BEND3: variants seen among roughly 807,000 people sequenced by gnomAD.
The protein encoded by BEND3 is BEN domain containing 3, also known as BEN domain-containing protein 3.
Under a neutral mutation model 60.1 loss-of-function variants are expected in BEND3, and 13 were observed. The ratio of observed to expected loss-of-function variants is 0.22; its 90% confidence interval spans 0.14 to 0.34. BEND3 has a LOEUF of 0.34. BEND3 is among the 10% of genes least tolerant of loss of function. The probability of loss-of-function intolerance (pLI) is 1.00; values close to 1 mark genes in which losing one functional copy is unlikely to be tolerated. For missense variants in BEND3, 896 were observed against 1,138.1 expected, an observed-to-expected ratio of 0.79 and a Z score of 3.06; for synonymous variants, 497 against 491.5, an observed-to-expected ratio of 1.01 and a Z score of -0.15.
At chr6:107,097,747 G>A (rs782294066) in intron 3 of BEND3, among the ~76,000 whole-genome samples, 9 of 123,440 alleles carry the variant, frequency 7.3e-5, no homozygotes, top group Admixed American at 2.3e-4. Context: ...CTGAGATTGC[G>A]CCACTGCACT....
At chr6:107,075,025 C>T (rs1775070398) in intron 3 of BEND3, among the ~76,000 whole-genome samples, 2 of 151,522 alleles carry the variant, frequency 1.3e-5, no homozygotes, top group South Asian at 4.2e-4. Context: ...CACTTGAACC[C>T]GGGAGGCGGA....
At chr6:107,108,658 CT>C (rs1775873844) in intron 1 of BEND3, among the ~76,000 whole-genome samples, 1 of 152,242 alleles carries the variant, frequency 6.6e-6, no homozygotes, top group African/African-American at 2.4e-5. Context: ...AAAACAGCCC[CT>C]GACATACAAG....
chr6:107,088,215 G>C (rs557004474), intron 3 of BEND3, among the ~76,000 whole-genome samples: 1 of 151,884 alleles, frequency 6.6e-6, no homozygotes, highest in East Asian at 1.9e-4. Context: ...TGGTAGGCTG[G>C]ACACGGCTGA....
intron 3 of BEND3, among the ~76,000 whole-genome samples, chr6:107,078,362 T>C (rs575031660): frequency 6.6e-6 from 1 of 151,924 alleles, no homozygotes; most frequent in South Asian, 2.1e-4. Context: ...CCTCCCTTGA[T>C]GGTGCCATGC....
At chr6:107,075,083 C>CAA (rs560505256) in intron 3 of BEND3, among the ~76,000 whole-genome samples, 2,129 of 136,890 alleles carry the variant, frequency 0.016, 50 homozygotes, top group African/African-American at 0.054. Context: ...CAGAGCGTCT[C>CAA]AAAAAAAAAA....
chr6:107,101,265 G>C (rs898011196), intron 1 of BEND3, among the ~76,000 whole-genome samples: 1 of 152,180 alleles, frequency 6.6e-6, no homozygotes, highest in East Asian at 1.9e-4. Flanking sequence ...ACCATTCAAG[G>C]AGTAGCCACA....
chr6:107,114,642 G>C (rs1426783160), intron 1 of BEND3, among the ~76,000 whole-genome samples: 1 of 147,788 alleles, frequency 6.8e-6, no homozygotes, highest in East Asian at 2.0e-4. Flanking sequence ...CGAGCGCCAA[G>C]CCGCCGCGAG....
rs139615180 is a variant in BEND3 at position 107,080,364 on chromosome 6, A to C, written c.241-9414T>G. Among the ~76,000 whole-genome samples, 1,067 of 147,712 alleles carry C rather than the reference A, an allele frequency of 7.2e-3. 24 individuals carry two copies. The highest frequency in any genetic ancestry group is 0.025 in the African/African-American group (957 of 38,718). ...AATGAGATCCCATCTCAAAAAAAAA[A>C]AAAAAAAAAAAAACAAAAAACAGGA... On this transcript the variant is annotated intron_variant, in intron 3 of 3. Coordinates refer to ENST00000369042, the MANE Select transcript of BEND3 (RefSeq NM_001367314.1).
chr6:107,080,368 A>AAC (rs1385906744), intron 3 of BEND3, among the ~76,000 whole-genome samples: 3 of 148,974 alleles, frequency 2.0e-5, no homozygotes, highest in African/African-American at 7.6e-5. Context: ...AAAAAAAAAA[A>AAC]AAAAAAAAAC....
At chr6:107,096,432 T>C (rs12664158) in intron 3 of BEND3, among the ~76,000 whole-genome samples, 10,933 of 151,590 alleles carry the variant, frequency 0.072, 524 homozygotes, top group South Asian at 0.16. Flanking sequence ...GCCAACATAG[T>C]GAAACCCTGT....
chr6:107,069,816 A>G lies in BEND3; in HGVS notation c.1375T>C (p.Phe459Leu), dbSNP rs959977844. Reference sequence around the variant, plus strand: ...GCCTCCTCCTCCTGCATGTCAGGGAAGTAGATCTCCGTGTAGTTGCGGATG... The same window carrying G: ...GCCTCCTCCTCCTGCATGTCAGGGAGGTAGATCTCCGTGTAGTTGCGGATG... Reference protein sequence around the residue: ...QIIRNYTEIYFPDMQEEEAWL... With the variant: ...QIIRNYTEIYLPDMQEEEAWL... The change falls in exon 4 of 4, where the codon TTC becomes CTC. Residue 459 changes from phenylalanine to leucine, a missense_variant. Physicochemically the swap from Phe to Leu is conservative, Grantham distance 22 (BLOSUM62 0). Transcript: ENST00000369042. The G allele has an allele frequency of 1.2e-6, 2 of 1,613,520 alleles. No individual in the cohort carries two copies. The highest frequency in any genetic ancestry group is 1.7e-6 in the Non-Finnish European group (2 of 1,179,956).
chr6:107,085,453 CTCTTT>C (rs1380881797), intron 3 of BEND3, among the ~76,000 whole-genome samples: 3 of 151,988 alleles, frequency 2.0e-5, no homozygotes, highest in Non-Finnish European at 4.4e-5. Flanking sequence ...CCAGAGCATC[CTCTTT>C]TCTTTTGTTT....
intron 3 of BEND3, among the ~76,000 whole-genome samples, chr6:107,073,201 G>GTA (rs782669876): frequency 8.9e-4 from 20 of 22,592 alleles, no homozygotes; most frequent in South Asian, 1.4e-3. Context: ...GTATGTGTAT[G>GTA]TATATATATA....
Position 107,070,435 on chromosome 6 carries a change from C to A in BEND3, c.756G>T (p.Glu252Asp). 1.2e-6 allele frequency: 2 copies of A among 1,614,110 alleles called. No homozygotes were observed. The highest frequency in any genetic ancestry group is 1.7e-6 in the Non-Finnish European group (2 of 1,180,024). The change falls in exon 4 of 4, where the codon GAG becomes GAT. Residue 252 changes from glutamate (E) to aspartate (D), a missense_variant. Around this residue, in one of 4 missense-constraint regions of BEND3, gnomAD observed 846 missense variants for 1,036.7 expected, o/e 0.82. Transcript: ENST00000369042. This position sits in a 1 kb window ranked among gnomAD's most constrained non-coding sequence, Gnocchi z 6.9. ...GGCTCTGGTCCACGATCTGCTTGAG[C>A]TCTGCGGCTGTGAGCTGGTACTCAG... is the stretch of plus-strand genomic sequence containing the variant. ...PPPEYQLTAAELKQIVDQSLS... is the reference protein window; with the variant it reads ...PPPEYQLTAADLKQIVDQSLS...
At chr6:107,089,532 G>C (rs990204652) in intron 3 of BEND3, among the ~76,000 whole-genome samples, 8 of 148,724 alleles carry the variant, frequency 5.4e-5, no homozygotes, top group African/African-American at 1.7e-4. Flanking sequence ...CTTGCAGTGA[G>C]CCAAGATCGT....
rs1774839499 is a variant in BEND3 at position 107,066,735 on chromosome 6, GGA to G, written c.*1967_*1968del. ...CAGCGGTGGGAAGGGGGAGGTGGTGGGAGAGGGCCACAGCTGTCTTTGGGTAG... is the reference window on the plus strand; with the variant it reads ...CAGCGGTGGGAAGGGGGAGGTGGTGGGAGGGCCACAGCTGTCTTTGGGTAG... On this transcript the variant is annotated 3_prime_UTR_variant, in exon 4 of 4. Coordinates refer to ENST00000369042, the MANE Select transcript of BEND3 (RefSeq NM_001367314.1). 1 of 152,612 alleles carries G rather than the reference GGA, an allele frequency of 6.6e-6. No individual in the cohort carries two copies. The highest frequency in any genetic ancestry group is 1.5e-5 in the Non-Finnish European group (1 of 68,078). The allele number at this position is 152,612 out of a possible 1,614,324, so 9.5% of individuals were successfully genotyped here.
intron 3 of BEND3, among the ~76,000 whole-genome samples, chr6:107,071,482 T>C (rs1299493265): frequency 4.6e-5 from 7 of 152,150 alleles, no homozygotes; most frequent in Non-Finnish European, 8.8e-5. Flanking sequence ...GGAAGGCTCA[T>C]CTGGGATGCA....
At chr6:107,080,986 G>T (rs186967151) in intron 3 of BEND3, among the ~76,000 whole-genome samples, 2 of 152,178 alleles carry the variant, frequency 1.3e-5, no homozygotes, top group East Asian at 3.9e-4. Flanking sequence ...TTTTGGCATG[G>T]GATCTCAGTC....
intron 1 of BEND3, among the ~76,000 whole-genome samples, chr6:107,112,554 A>G (rs1208645341): frequency 6.6e-6 from 1 of 151,612 alleles, no homozygotes; most frequent in Non-Finnish European, 1.5e-5. Context: ...CTCTGGTATC[A>G]ACAACAACAA....
Sources: allele counts gnomAD v4.1 joint callset (sites outside exome capture counted in the v4.1 genomes callset), GRCh38; gene constraint gnomAD v4.1.1; regional missense constraint gnomAD v4.1.1; non-coding constraint Gnocchi (gnomAD v3.1); transcripts MANE v1.5; gene names NCBI Gene and HGNC (gene_info 2026-07-23, HGNC 2026-07-21).